The following DHX16 variants were observed in gnomAD, a reference collection of about 807,000 sequenced individuals.
DHX16 encodes the protein pre-mRNA-splicing factor ATP-dependent RNA helicase DHX16.
In DHX16, 81 loss-of-function variants were observed where a neutral mutation model predicts 131.2. The ratio of observed to expected loss-of-function variants is 0.62; its 90% CI spans 0.52 to 0.74. DHX16 has a LOEUF of 0.74. Among genes scored for constraint, DHX16 ranks in the 30% least tolerant of loss-of-function variants. The pLI, the probability that DHX16 is intolerant of heterozygous loss-of-function variation, is 0.00. For synonymous variants in DHX16, 440 were observed against 520.2 expected, an observed-to-expected ratio of 0.85 and a Z score of 2.10; for missense variants, 980 against 1,363.1, an observed-to-expected ratio of 0.72 and a Z score of 4.43.
intron 7 of DHX16, among the ~76,000 whole-genome samples, chr6:30,663,858 C>T (rs971303630): frequency 2.6e-5 from 4 of 151,366 alleles, no homozygotes; most frequent in South Asian, 4.2e-4. Flanking sequence ...AACCCCATCT[C>T]TACTAAAAAT....
At position 30,668,787 on chromosome 6, in the gene DHX16, G is replaced by C. The variant is rs555074959; in HGVS notation, c.666+1623C>G. Among the ~76,000 whole-genome samples the C allele has an allele frequency of 1.6e-4, 25 of 152,234 alleles. No homozygotes were observed. The South Asian group carries it at 3.1e-3, about 19-fold the overall frequency. On this transcript the variant is annotated intron_variant, in intron 4 of 19. Transcript: ENST00000376442. ...AGATAAATTGGTCAGGAGAGACCTG[G>C]GAACCAGTAGGCCATTCTTAGAACT...
At position 30,670,998 on chromosome 6, in the gene DHX16, A is replaced by G; in HGVS notation, c.446+38T>C. ...TAAATAAGGGCATAGAGAACACTTC[A>G]GCCTGCCCCATCCTCTCTCACCCTG... is the stretch of plus-strand genomic sequence containing the variant. On this transcript the variant is annotated intron_variant, in intron 2 of 19. Transcript: ENST00000376442. The surrounding 1 kb of genome is among the most constrained non-coding windows in gnomAD (Gnocchi z 4.4). 1.2e-5 allele frequency: 20 copies of G among 1,612,960 alleles called. No homozygotes were observed. The highest frequency in any genetic ancestry group is 1.5e-5 in the Non-Finnish European group (18 of 1,179,942).
At position 30,672,843 on chromosome 6, in the gene DHX16, G is replaced by T; in HGVS notation, c.-2C>A. ...CTCCAGACCCGCCGGCGTCGCCATG[G>T]CGACTCACGCTCCCTGCTCCCGGCC... On this transcript the variant is annotated 5_prime_UTR_variant, in exon 1 of 20. Coordinates refer to ENST00000376442, the MANE Select transcript of DHX16 (RefSeq NM_003587.5). 6.2e-7 allele frequency: 1 copy of T among 1,612,260 alleles called. No homozygotes were observed. The highest frequency in any genetic ancestry group is 1.3e-5 in the African/African-American group (1 of 75,048).
chr6:30,657,327 G>GT (rs11439180), intron 12 of DHX16, among the ~76,000 whole-genome samples: 2,283 of 140,300 alleles, frequency 0.016, 31 homozygotes, highest in South Asian at 0.084. Flanking sequence ...AGGATTTAGG[G>GT]TTTTTTTTTT....
In DHX16 at chr6:30,656,170, G is replaced by C. The variant is rs1255355619; in HGVS notation, c.2498+28C>G. 6.2e-7 allele frequency: 1 copy of C among 1,609,250 alleles called. No individual in the cohort carries two copies. Among genetic ancestry groups the C allele is most frequent in the Non-Finnish European group, 8.5e-7 (1 of 1,178,236 alleles). On this transcript the variant is annotated intron_variant, in intron 16 of 19. Transcript: ENST00000376442. This position sits in a 1 kb window ranked among gnomAD's most constrained non-coding sequence, Gnocchi z 5.1. Reference sequence around the variant, plus strand: ...AGGAGGCCTGGCCTGTTTGTGTGCTGGGGGCCCAGGTGGAGGCGAGGGCTT... The same window carrying C: ...AGGAGGCCTGGCCTGTTTGTGTGCTCGGGGCCCAGGTGGAGGCGAGGGCTT...
At chr6:30,667,678 G>A (rs1769174708) in intron 4 of DHX16, among the ~76,000 whole-genome samples, 1 of 151,904 alleles carries the variant, frequency 6.6e-6, no homozygotes, top group Non-Finnish European at 1.5e-5. Flanking sequence ...TTTGATGAAA[G>A]GCTATTGGTA....
At position 30,656,210 on chromosome 6, in the gene DHX16, A is replaced by C. The variant is rs373903397; in HGVS notation, c.2486T>G (p.Leu829Ter). The stretch of plus-strand genomic sequence containing the variant: ...GGCGAGGGCTTACTTCTCAGAGGCT[A>C]AGATCATTTTGGACAGCATGGGGTC... The part of the protein sequence containing the change: ...PVDPMLSKMI[L>*]ASEKYSCSEE... Residue 829 changes from leucine (L) to a stop codon, truncating the protein, a stop_gained, in exon 16 of 20, where the codon TTA becomes TGA. Coordinates refer to ENST00000376442, the MANE Select transcript of DHX16 (RefSeq NM_003587.5). LOFTEE classifies it high-confidence loss of function. This position sits in a 1 kb window ranked among gnomAD's most constrained non-coding sequence, Gnocchi z 5.1. 8 of 1,613,062 alleles carry C rather than the reference A, an allele frequency of 5.0e-6. No homozygotes were observed. Among genetic ancestry groups the C allele is most frequent in the Non-Finnish European group, 6.8e-6 (8 of 1,180,008 alleles).
Position 30,672,695 on chromosome 6 carries a change from G to A in DHX16, c.147C>T (p.Asp49=), listed in dbSNP as rs1259181558. 4 of 1,613,000 alleles carry A rather than the reference G, an allele frequency of 2.5e-6. No homozygotes were observed. Among genetic ancestry groups the A allele is most frequent in the Non-Finnish European group, 3.4e-6 (4 of 1,179,964 alleles). Residue 49 remains aspartate (D), a synonymous_variant, in exon 1 of 20, where the codon GAC becomes GAT. Coordinates refer to ENST00000376442, the MANE Select transcript of DHX16 (RefSeq NM_003587.5). ...SAEEFVQRLR[D]TDTLDLSGPA... ...GCCCACTGAGATCCAAGGTATCAGT[G>A]TCTCGTAGGCGCTGCACGAACTCCT...
In DHX16 at chr6:30,665,863, C is replaced by T; in HGVS notation, c.667-130G>A. 8.5e-7 allele frequency: 1 copy of T among 1,173,378 alleles called. No homozygotes were observed. Among genetic ancestry groups the T allele is most frequent in the Non-Finnish European group, 1.2e-6 (1 of 851,912 alleles). 72.7% of individuals were successfully genotyped at this position (1,173,378 alleles called of 1,614,324 possible). A position where few individuals can be genotyped will look rare whatever the true frequency, so the allele number is the denominator to read the frequency against. The stretch of plus-strand genomic sequence containing the variant: ...CCTCAGGATGCACCCTCTACCTTCC[C>T]TCTGCAATGCACAACCAAAACAATG... On this transcript the variant is annotated intron_variant, in intron 4 of 19. Coordinates refer to ENST00000376442, the MANE Select transcript of DHX16 (RefSeq NM_003587.5). The surrounding 1 kb of genome is among the most constrained non-coding windows in gnomAD (Gnocchi z 4.8).
Position 30,660,176 on chromosome 6 carries a change from C to A in DHX16, c.1611G>T (p.Lys537Asn). The A allele has an allele frequency of 6.3e-7, 1 of 1,580,110 alleles. No individual in the cohort carries two copies. Among genetic ancestry groups the A allele is most frequent in the South Asian group, 1.2e-5 (1 of 86,284 alleles). Reference sequence around the variant, plus strand: ...GCTCAGGTCGGAAGCGAGCAACATCCTTGATCAATCCAAAGAGAATGTCTG... The same window carrying A: ...GCTCAGGTCGGAAGCGAGCAACATCATTGATCAATCCAAAGAGAATGTCTG... ...LHTDILFGLI[K>N]DVARFRPELK... Residue 537 changes from lysine to asparagine, a missense_variant, in exon 10 of 20, where the codon AAG becomes AAT. By Grantham distance (94) the Lys-to-Asn change is moderately conservative (BLOSUM62 0). Coordinates refer to ENST00000376442, the MANE Select transcript of DHX16 (RefSeq NM_003587.5).
At position 30,664,822 on chromosome 6, in the gene DHX16, G is replaced by T; in HGVS notation, c.1296C>A (p.Ile432=). ...GTACCTCCTCAAAGAGATACTGCGG[G>T]ATCTGGGTGGTCTTCCCTGAGCCTG... is the stretch of plus-strand genomic sequence containing the variant. ...GETGSGKTTQ[I]PQYLFEEGYT... The change falls in exon 7 of 20, where the codon ATC becomes ATA. Residue 432 remains isoleucine, a synonymous_variant. Coordinates refer to ENST00000376442, the MANE Select transcript of DHX16 (RefSeq NM_003587.5). 1 of 1,613,004 alleles carries T rather than the reference G, an allele frequency of 6.2e-7. No individual in the cohort carries two copies.
intron 7 of DHX16, 76 bp downstream of exon 7, chr6:30,664,725 T>C (rs946071807): frequency 1.5e-6 from 2 of 1,333,954 alleles, no homozygotes; most frequent in Non-Finnish European, 2.1e-6. Context: ...AAAAATATAA[T>C]GTAAAAGGAG....
chr6:30,659,371 A>G, intron 12 of DHX16, 101 bp downstream of exon 12: 2 of 1,269,702 alleles, frequency 1.6e-6, no homozygotes, highest in South Asian at 2.8e-5. Context: ...AGCTGTGTGC[A>G]GCAGTGCGCA....
rs751046181 is a variant in DHX16, at chr6:30,662,710, T to C, written c.1461A>G (p.Thr487=). The C allele has an allele frequency of 2.5e-6, 4 of 1,612,952 alleles. No homozygotes were observed. The highest frequency in any genetic ancestry group is 3.4e-6 in the Non-Finnish European group (4 of 1,180,040). The change falls in exon 9 of 20, where the codon ACA becomes ACG. Residue 487 remains threonine (T), a synonymous_variant. Coordinates refer to ENST00000376442, the MANE Select transcript of DHX16 (RefSeq NM_003587.5). The surrounding 1 kb of genome is among the most constrained non-coding windows in gnomAD (Gnocchi z 4.7). The part of the protein sequence containing the change: ...VGYSIRFEDC[T]SERTVLRYMT... ...TGTAGCGGAGGACAGTTCGCTCTGA[T>C]GTGCAGTCCTCAAAGCGGATGCTGT...
At chr6:30,657,142 C>A (rs967696857) in intron 12 of DHX16, 50 bp from the exon 13 acceptor site, 4 of 1,562,276 alleles carry the variant, frequency 2.6e-6, no homozygotes, top group Non-Finnish European at 1.7e-6. Flanking sequence ...ACCTAGTTAC[C>A]CAGAAAAAGT....
At chr6:30,672,534 G>A (rs1582974284) in intron 1 of DHX16, 101 bp downstream of exon 1, 1 of 1,112,460 alleles carries the variant, frequency 9.0e-7, no homozygotes, top group East Asian at 2.4e-5. Flanking sequence ...AACGGACAAA[G>A]AATAAGTGCT....
chr6:30,662,122 C>T lies in DHX16; in HGVS notation c.1544+505G>A, dbSNP rs951312586. The T allele has an allele frequency of 3.8e-6, 2 of 520,614 alleles. No individual in the cohort carries two copies. Among genetic ancestry groups the T allele is most frequent in the Non-Finnish European group, 7.0e-6 (2 of 286,956 alleles). The allele number at this position is 520,614 out of a possible 1,614,324, so 32.2% of individuals were successfully genotyped here. A position where few individuals can be genotyped will look rare whatever the true frequency, so the allele number is the denominator to read the frequency against. On this transcript the variant is annotated intron_variant, in intron 9 of 19. Transcript: ENST00000376442. This position sits in a 1 kb window ranked among gnomAD's most constrained non-coding sequence, Gnocchi z 4.7. ...AGCTACCCAAGACTTGTGTGGAGGG[C>T]CAAGACCCAGAGTCCAACCACTCTG...
chr6:30,655,368 A>T (rs746023391), intron 17 of DHX16, 32 bp from the exon 18 acceptor site: 3 of 1,613,760 alleles, frequency 1.9e-6, no homozygotes, highest in Non-Finnish European at 2.5e-6. Context: ...AAGGAGAGAT[A>T]ATTAAGTATA....
intron 10 of DHX16, 97 bp from the exon 11 acceptor site, chr6:30,659,931 C>G: frequency 6.4e-7 from 1 of 1,554,932 alleles, no homozygotes; most frequent in Non-Finnish European, 8.8e-7. Context: ...CCTAGTTCCC[C>G]TTTGAACCTT....
Sources: allele counts gnomAD v4.1 joint callset (sites outside exome capture counted in the v4.1 genomes callset), GRCh38; gene constraint gnomAD v4.1.1; non-coding constraint Gnocchi (gnomAD v3.1); transcripts MANE v1.5; gene names NCBI Gene and HGNC (gene_info 2026-07-23, HGNC 2026-07-21).